CNTN1: variants seen among roughly 807,000 people sequenced by gnomAD.
CNTN1 encodes contactin-1.
In CNTN1, 38 loss-of-function variants were observed where a neutral mutation model predicts 126.4. That is an observed-to-expected ratio of 0.30 (90% CI 0.23 to 0.39). The LOEUF (loss-of-function observed/expected upper bound fraction) is 0.39, where lower values mean the gene tolerates loss of function less well. Ranked by LOEUF, CNTN1 falls within the 10% of genes least tolerant of loss-of-function variation. The pLI is 1.00. For missense variants in CNTN1, 1,009 were observed against 1,248.4 expected (o/e 0.81, Z 2.89); for synonymous variants, 413 against 422.6 (o/e 0.98, Z 0.28).
At chr12:41,047,935 A>C (rs1417862480) in intron 23 of CNTN1, among the ~76,000 whole-genome samples, 1 of 152,096 alleles carries the variant, frequency 6.6e-6, no homozygotes, top group Non-Finnish European at 1.5e-5. Context: ...ATCAGGAAGG[A>C]CAAGCCATTG....
At chr12:40,919,326 T>A (rs1465314510) in intron 4 of CNTN1, among the ~76,000 whole-genome samples, 1 of 152,184 alleles carries the variant, frequency 6.6e-6, no homozygotes, top group African/African-American at 2.4e-5. Context: ...TTTTCTGGGT[T>A]ACATATGTAT....
intron 17 of CNTN1, among the ~76,000 whole-genome samples, chr12:41,008,019 C>A (rs1566132240): frequency 6.6e-6 from 1 of 152,164 alleles, no homozygotes; most frequent in Non-Finnish European, 1.5e-5. Flanking sequence ...CTATATCGTT[C>A]CCCCCTCTGG....
At chr12:40,716,234 G>C (rs1299760135) in intron 1 of CNTN1, among the ~76,000 whole-genome samples, 4 of 150,598 alleles carry the variant, frequency 2.7e-5, no homozygotes, top group Admixed American at 6.7e-5. Flanking sequence ...CTCTCTCTGT[G>C]TCTCTCTCTC....
At chr12:40,839,928 A>T (rs972715356) in intron 1 of CNTN1, among the ~76,000 whole-genome samples, 1 of 152,164 alleles carries the variant, frequency 6.6e-6, no homozygotes, top group African/African-American at 2.4e-5. Flanking sequence ...TAAGAGAAAA[A>T]GAAAAGGACA....
chr12:40,749,331 C>T (rs2053629), intron 1 of CNTN1, among the ~76,000 whole-genome samples: 123,451 of 152,032 alleles, frequency 0.81, 50,876 homozygotes, highest in East Asian at 0.98. Flanking sequence ...TCAGTTAACA[C>T]ACCACAATTC....
chr12:40,766,370 A>AAAAAG (rs1939090125), intron 1 of CNTN1, among the ~76,000 whole-genome samples: 3 of 147,442 alleles, frequency 2.0e-5, no homozygotes, highest in Admixed American at 6.7e-5. Flanking sequence ...AAAAAAAAAA[A>AAAAAG]AAAGAAAGAA....
At chr12:40,943,822 T>C in intron 13 of CNTN1, 98 bp downstream of exon 13, 8 of 1,485,982 alleles carry the variant, frequency 5.4e-6, no homozygotes, top group Non-Finnish European at 5.5e-6. Flanking sequence ...AGTTTCTTTT[T>C]CAAAAGAATT....
intron 14 of CNTN1, among the ~76,000 whole-genome samples, chr12:40,955,909 A>C (rs1184366739): frequency 6.6e-6 from 1 of 152,084 alleles, no homozygotes; most frequent in Non-Finnish European, 1.5e-5. Context: ...CAAGTGATAT[A>C]TGCAAAGTTT....
intron 1 of CNTN1, among the ~76,000 whole-genome samples, chr12:40,897,096 C>T (rs1312131475): frequency 6.6e-6 from 1 of 152,072 alleles, no homozygotes; most frequent in African/African-American, 2.4e-5. Context: ...TAGCATAATG[C>T]CTAACACATA....
In CNTN1 at chr12:40,993,236, A is replaced by C; in HGVS notation, c.2080A>C (p.Ile694Leu). The change falls in exon 17 of 24, where the codon ATA becomes CTA. Residue 694 changes from isoleucine to leucine, a missense_variant. Ile to Leu is a conservative substitution (Grantham distance 5). Transcript: ENST00000551295. ...TNTLGRGEPS[I>L]PSNRIKTDGA... is the part of the protein sequence containing the mutation. ...TACACTGGGTAGAGGAGAGCCCAGT[A>C]TACCATCTAACAGAATTAAAACAGA... 6.2e-7 allele frequency: 1 copy of C among 1,613,856 alleles called. No individual in the cohort carries two copies. The highest frequency in any genetic ancestry group is 8.5e-7 in the Non-Finnish European group (1 of 1,179,742).
intron 16 of CNTN1, among the ~76,000 whole-genome samples, chr12:40,985,240 G>T (rs566193793): frequency 6.6e-6 from 1 of 152,066 alleles, no homozygotes; most frequent in South Asian, 2.1e-4. Context: ...TTTAGGCTGA[G>T]AAGATTGTTT....
chr12:40,738,990 T>TG (rs1469129883), intron 1 of CNTN1, among the ~76,000 whole-genome samples: 3 of 152,126 alleles, frequency 2.0e-5, no homozygotes, highest in Admixed American at 2.0e-4. Context: ...AGAAGAACAG[T>TG]GGTTCTTAAC....
chr12:40,735,863 T>C (rs992748755), intron 1 of CNTN1, among the ~76,000 whole-genome samples: 6 of 151,994 alleles, frequency 3.9e-5, no homozygotes, highest in African/African-American at 1.4e-4. Flanking sequence ...AGAAACAACA[T>C]GTTTGAGCTG....
intron 1 of CNTN1, among the ~76,000 whole-genome samples, chr12:40,718,531 G>T (rs1565641444): frequency 6.6e-6 from 1 of 152,214 alleles, no homozygotes; most frequent in East Asian, 1.9e-4. Flanking sequence ...GTCAACACTG[G>T]GGGCTGGGTT....
intron 1 of CNTN1, among the ~76,000 whole-genome samples, chr12:40,753,070 G>C (rs1233111581): frequency 1.3e-5 from 2 of 151,764 alleles, no homozygotes; most frequent in Admixed American, 6.6e-5. Flanking sequence ...GAAAGAGTGG[G>C]GTTGACCACA....
At position 40,943,651 on chromosome 12, in the gene CNTN1, T is replaced by C. The variant is rs1172111840; in HGVS notation, c.1434T>C (p.Asp478=). The C allele has an allele frequency of 1.2e-6, 2 of 1,605,608 alleles. No homozygotes were observed. The highest frequency in any genetic ancestry group is 3.3e-5 in the Admixed American group (2 of 59,880). Residue 478 remains aspartate, a synonymous_variant, in exon 13 of 24, where the codon GAT becomes GAC. Transcript: ENST00000551295. ...AAATCAACAACATTACAAGGAATGATGGAGGTATCTATACATGCTTTGCAG... is the reference window on the plus strand; with the variant it reads ...AAATCAACAACATTACAAGGAATGACGGAGGTATCTATACATGCTTTGCAG... The part of the protein sequence containing the change: ...SLEINNITRN[D]GGIYTCFAEN...
At chr12:40,769,066 G>A (rs893705619) in intron 1 of CNTN1, among the ~76,000 whole-genome samples, 2 of 152,052 alleles carry the variant, frequency 1.3e-5, no homozygotes, top group Admixed American at 1.3e-4. Context: ...AGGTCTGAGT[G>A]GGTATAATTG....
intron 14 of CNTN1, among the ~76,000 whole-genome samples, chr12:40,956,903 GT>G (rs1229352567): frequency 6.6e-5 from 10 of 152,042 alleles, no homozygotes. Context: ...AGATGTAGGG[GT>G]TCAGGTGAGA....
intron 1 of CNTN1, among the ~76,000 whole-genome samples, chr12:40,751,499 G>C (rs888469156): frequency 6.6e-6 from 1 of 151,970 alleles, no homozygotes; most frequent in Non-Finnish European, 1.5e-5. Context: ...AGTCAAAGGA[G>C]AGAGAGAAAT....
Sources: gnomAD v4.1 joint callset for allele counts (sites outside exome capture counted in the v4.1 genomes callset) on GRCh38, gnomAD v4.1.1 for gene constraint, MANE v1.5 for transcripts, NCBI Gene and HGNC (gene_info 2026-07-23, HGNC 2026-07-21) for gene names.